SEMA3D: variants seen among roughly 807,000 people sequenced by gnomAD.
SEMA3D encodes the protein semaphorin-3D.
In SEMA3D, 84 loss-of-function variants were observed where a neutral mutation model predicts 100.1. The ratio of observed to expected loss-of-function variants is 0.84; its 90% CI spans 0.70 to 1.01. The LOEUF (loss-of-function observed/expected upper bound fraction) is 1.01, where lower values mean the gene tolerates loss of function less well. Among genes scored for constraint, SEMA3D ranks in the 50% least tolerant of loss-of-function variants. The pLI is 0.00. For missense variants in SEMA3D, 875 were observed against 934.1 expected (o/e 0.94, Z 0.82); for synonymous variants, 312 against 320.7 (o/e 0.97, Z 0.29).
At chr7:85,132,138 A>T (rs967364065) in intron 2 of SEMA3D, among the ~76,000 whole-genome samples, 1 of 151,932 alleles carries the variant, frequency 6.6e-6, no homozygotes, top group Non-Finnish European at 1.5e-5. Context: ...TCATGTTTTT[A>T]CCAAGTATAT....
intron 1 of SEMA3D, among the ~76,000 whole-genome samples, chr7:85,176,543 T>C (rs1298821214): frequency 6.6e-6 from 1 of 152,040 alleles, no homozygotes; most frequent in Non-Finnish European, 1.5e-5. Flanking sequence ...CAGTTAACTG[T>C]GAAGCACAGA....
intron 2 of SEMA3D, among the ~76,000 whole-genome samples, chr7:85,147,080 TC>T (rs1790229466): frequency 7.0e-6 from 1 of 141,976 alleles, no homozygotes; most frequent in African/African-American, 2.7e-5. Flanking sequence ...TTCTTTCTTT[TC>T]TTTTTCTTTT....
chr7:85,102,402 T>C (rs1327746708), intron 3 of SEMA3D, among the ~76,000 whole-genome samples: 2 of 151,962 alleles, frequency 1.3e-5, no homozygotes, highest in Non-Finnish European at 2.9e-5. Context: ...AGCACCTAGC[T>C]CAGAGTCTGA....
At chr7:85,143,859 C>G (rs552629708) in intron 2 of SEMA3D, among the ~76,000 whole-genome samples, 2 of 151,642 alleles carry the variant, frequency 1.3e-5, no homozygotes, top group East Asian at 3.9e-4. Flanking sequence ...CACAGGCATG[C>G]GCCACCACAC....
At chr7:85,151,699 T>C (rs1790426303) in intron 2 of SEMA3D, 1 of 981,632 alleles carries the variant, frequency 1.0e-6, no homozygotes, top group Admixed American at 6.2e-5. Flanking sequence ...TCTCAAAGCA[T>C]CTTGTACTGG....
intron 4 of SEMA3D, among the ~76,000 whole-genome samples, chr7:85,095,590 G>T (rs1184209375): frequency 6.6e-6 from 1 of 151,964 alleles, no homozygotes. Flanking sequence ...AAACCAAGTG[G>T]GTCTAAACCT....
upstream of SEMA3D, among the ~76,000 whole-genome samples, chr7:85,191,366 A>G (rs1791690817): frequency 1.3e-5 from 2 of 148,666 alleles, no homozygotes; most frequent in African/African-American, 5.0e-5. Flanking sequence ...TTAAGGAAAA[A>G]TAAACAACTT....
chr7:85,220,781 G>A, the SEMA3D span, among the ~76,000 whole-genome samples: 1 of 152,096 alleles, frequency 6.6e-6, no homozygotes, highest in African/African-American at 2.4e-5. Context: ...TGACAGAGAA[G>A]GAAAGGAGCT....
chr7:85,200,804 G>A, the SEMA3D span, among the ~76,000 whole-genome samples: 39 of 152,300 alleles, frequency 2.6e-4, no homozygotes, highest in African/African-American at 8.9e-4. Context: ...AAATGGTTTA[G>A]TGGGCCAGGC....
intron 5 of SEMA3D, among the ~76,000 whole-genome samples, chr7:85,080,328 G>A (rs981242160): frequency 3.3e-5 from 5 of 152,056 alleles, no homozygotes; most frequent in African/African-American, 1.2e-4. Context: ...ACAAATGAGT[G>A]AACTAACCTG....
At chr7:85,166,114 TCTTA>T (rs552229391) in intron 1 of SEMA3D, among the ~76,000 whole-genome samples, 268 of 152,164 alleles carry the variant, frequency 1.8e-3, no homozygotes, top group Non-Finnish European at 3.4e-3. Flanking sequence ...ATGATACTGT[TCTTA>T]CTTTATTTAC....
chr7:85,236,805 A>AATTATTT, the SEMA3D span, among the ~76,000 whole-genome samples: 6 of 152,208 alleles, frequency 3.9e-5, no homozygotes, highest in Non-Finnish European at 7.3e-5. Context: ...GAATTAAGCC[A>AATTATTT]GATAATGTAT....
rs1789530505 is a variant in SEMA3D at position 84,997,342 on chromosome 7, G to T, written c.*2098C>A. 1 of 151,796 alleles carries T rather than the reference G, an allele frequency of 6.6e-6. No homozygotes were observed. Among genetic ancestry groups the T allele is most frequent in the Non-Finnish European group, 1.5e-5 (1 of 67,880 alleles). 9.4% of individuals were successfully genotyped at this position (151,796 alleles called of 1,614,324 possible). ...AAATTAAAAATGTTCCCACTTAATT[G>T]CTTTGAGCTCGCTATGAGTTCCTGG... On this transcript the variant is annotated 3_prime_UTR_variant, in exon 19 of 19. Transcript: ENST00000284136.
At chr7:85,159,896 G>A in intron 1 of SEMA3D, 4 of 984,830 alleles carry the variant, frequency 4.1e-6, no homozygotes, top group Non-Finnish European at 4.8e-6. Context: ...AAGAAAGATA[G>A]GAAAGAAGGA....
At chr7:85,079,815 T>TA (rs1409086999) in intron 5 of SEMA3D, among the ~76,000 whole-genome samples, 13 of 152,216 alleles carry the variant, frequency 8.5e-5, no homozygotes, top group Middle Eastern at 3.2e-3. Context: ...GCCATGCTTA[T>TA]ACTGTCCATT....
At chr7:85,168,873 G>GAAAGA (rs908039399) in intron 1 of SEMA3D, among the ~76,000 whole-genome samples, 1 of 133,526 alleles carries the variant, frequency 7.5e-6, no homozygotes, top group Non-Finnish European at 1.6e-5. Flanking sequence ...AAGAAAGAAA[G>GAAAGA]AAAGAAAAGA....
chr7:85,003,938 C>T (rs1012682444), intron 18 of SEMA3D, among the ~76,000 whole-genome samples: 10 of 152,004 alleles, frequency 6.6e-5, no homozygotes, highest in African/African-American at 2.2e-4. Context: ...TATCAAAATC[C>T]ATAAAGATAA....
the SEMA3D span, among the ~76,000 whole-genome samples, chr7:85,203,347 C>T: frequency 6.6e-6 from 1 of 152,092 alleles, no homozygotes; most frequent in African/African-American, 2.4e-5. Context: ...TTAGATTTAA[C>T]TAGAATTGAA....
At chr7:85,171,802 T>C (rs1420784403) in intron 1 of SEMA3D, among the ~76,000 whole-genome samples, 4 of 152,024 alleles carry the variant, frequency 2.6e-5, no homozygotes, top group Admixed American at 6.6e-5. Flanking sequence ...AATTTATATA[T>C]AAAAAAGGAA....
Sources: gnomAD v4.1 joint callset for allele counts (sites outside exome capture counted in the v4.1 genomes callset) on GRCh38, gnomAD v4.1.1 for gene constraint, MANE v1.5 for transcripts, NCBI Gene and HGNC (gene_info 2026-07-23, HGNC 2026-07-21) for gene names.